The following NOX3 variants were observed in gnomAD, a reference collection of about 807,000 sequenced individuals.
NOX3 encodes the protein NADPH oxidase catalytic subunit-like 3.
Under a neutral mutation model 76.7 loss-of-function variants are expected in NOX3, and 74 were observed. That is an observed-to-expected ratio of 0.96 (90% CI 0.80 to 1.17). NOX3 has a LOEUF of 1.17. NOX3 is among the 50% of genes most tolerant of loss of function. The pLI, the probability that NOX3 is intolerant of heterozygous loss-of-function variation, is 0.00. For synonymous variants in NOX3, 263 were observed against 261.1 expected, an observed-to-expected ratio of 1.01 and a Z score of -0.07; for missense variants, 695 against 703.3, an observed-to-expected ratio of 0.99 and a Z score of 0.13.
chr6:155,447,809 C>G (rs992023511), intron 4 of NOX3, among the ~76,000 whole-genome samples: 3 of 152,226 alleles, frequency 2.0e-5, no homozygotes, highest in Non-Finnish European at 4.4e-5. Context: ...TTACAGCAAT[C>G]TTGGCTTGGA....
Position 155,444,358 on chromosome 6 carries a change from C to A in NOX3, c.341-940G>T, listed in dbSNP as rs117810414. On this transcript the variant is annotated intron_variant, in intron 4 of 13. Coordinates refer to ENST00000159060, the MANE Select transcript of NOX3 (RefSeq NM_015718.3). Reference sequence around the variant, plus strand: ...TGAATAATCCCTTTGTCCAGCATATCCAGTAGCCCTCTTGGTTATCAGATC... The same window carrying A: ...TGAATAATCCCTTTGTCCAGCATATACAGTAGCCCTCTTGGTTATCAGATC... 5.8e-3 allele frequency among the ~76,000 whole-genome samples: 879 copies of A among 152,344 alleles called. 5 individuals carry two copies. The highest frequency in any genetic ancestry group is 8.8e-3 in the Non-Finnish European group (602 of 68,028).
At chr6:155,422,885 T>C in intron 9 of NOX3, 29 bp from the exon 10 acceptor site, 1 of 1,612,576 alleles carries the variant, frequency 6.2e-7, no homozygotes, top group Non-Finnish European at 8.5e-7. Context: ...GCAGCCTATT[T>C]GACCTTCAGA....
chr6:155,449,577 C>G (rs1777108603), intron 4 of NOX3, among the ~76,000 whole-genome samples: 1 of 152,140 alleles, frequency 6.6e-6, no homozygotes, highest in Non-Finnish European at 1.5e-5. Context: ...AAGAAGAGTT[C>G]CTGTCACTGC....
At chr6:155,426,854 G>T (rs1369727668) in intron 9 of NOX3, among the ~76,000 whole-genome samples, 2 of 152,156 alleles carry the variant, frequency 1.3e-5, no homozygotes, top group African/African-American at 2.4e-5. Flanking sequence ...TTGTGAAGGG[G>T]AAGGGTGGTT....
rs112475707 is a variant in NOX3, at chr6:155,424,246, G to A, written c.1146-1390C>T. Among the ~76,000 whole-genome samples the A allele has an allele frequency of 7.9e-3, 1,204 of 152,100 alleles. 13 individuals carry two copies. Among genetic ancestry groups the A allele is most frequent in the African/African-American group, 0.027 (1,114 of 41,484 alleles). The stretch of plus-strand genomic sequence containing the variant: ...TTTTACAATTTATTGGTGTGTATGC[G>A]TGATCTGATTGATTTCTGTGTAGAG... On this transcript the variant is annotated intron_variant, in intron 9 of 13. Transcript: ENST00000159060.
At chr6:155,443,211 T>C in intron 5 of NOX3, 62 bp downstream of exon 5, 1 of 1,537,182 alleles carries the variant, frequency 6.5e-7, no homozygotes, top group South Asian at 1.2e-5. Context: ...GCGTTCCTGA[T>C]TAGAGGACTG....
At chr6:155,433,419 G>A (rs11969273) in intron 7 of NOX3, among the ~76,000 whole-genome samples, 4,521 of 152,324 alleles carry the variant, frequency 0.03, 223 homozygotes, top group African/African-American at 0.1. Flanking sequence ...GTGTGTCAAA[G>A]TAGATGCTAG....
rs1777059510 is a variant in NOX3, at chr6:155,445,981, C to CTATATATATATATAATATATATATGCTA, written c.341-2564_341-2563insTAGCATATATATATTATATATATATATA. ...GCTATATATATATAATATATATATG[C>CTATATATATATATAATATATATATGCTA]TATATATATATATATAATATATATA... On this transcript the variant is annotated intron_variant, in intron 4 of 13. Transcript: ENST00000159060. Among the ~76,000 whole-genome samples, 292 of 104,192 alleles carry CTATATATATATATAATATATATATGCTA rather than the reference C, an allele frequency of 2.8e-3. 1 individual carries two copies. The highest frequency in any genetic ancestry group is 9.2e-3 in the African/African-American group (270 of 29,274). 68.4% of individuals were successfully genotyped at this position (104,192 alleles called of 152,430 possible).
At chr6:155,415,007 T>G (rs1776606450) in intron 10 of NOX3, among the ~76,000 whole-genome samples, 1 of 152,120 alleles carries the variant, frequency 6.6e-6, no homozygotes, top group African/African-American at 2.4e-5. Context: ...GGTTTCTGTG[T>G]GCATGTGGCC....
chr6:155,400,406 C>A (rs1489633345), intron 12 of NOX3, among the ~76,000 whole-genome samples: 2 of 152,160 alleles, frequency 1.3e-5, no homozygotes, highest in South Asian at 2.1e-4. Context: ...TTACTTTATA[C>A]CCTGAGTGCA....
At chr6:155,446,993 C>T (rs761163565) in intron 4 of NOX3, among the ~76,000 whole-genome samples, 13 of 151,566 alleles carry the variant, frequency 8.6e-5, no homozygotes, top group Admixed American at 5.9e-4. Flanking sequence ...AGGCAGGATA[C>T]GTTTTTTATA....
intron 10 of NOX3, among the ~76,000 whole-genome samples, chr6:155,420,103 A>G (rs1333127682): frequency 6.6e-6 from 1 of 152,202 alleles, no homozygotes; most frequent in African/African-American, 2.4e-5. Context: ...AAATAAGATT[A>G]TTTCACGAAT....
Position 155,428,895 on chromosome 6 carries a change from A to G in NOX3, c.1044T>C (p.Phe348=), listed in dbSNP as rs201811148. 6.0e-5 allele frequency: 97 copies of G among 1,613,696 alleles called. No individual in the cohort carries two copies. In the Admixed American group the frequency reaches 7.5e-4, roughly 12 times the overall value. Residue 348 remains phenylalanine (F), a synonymous_variant, in exon 9 of 14, where the codon TTT becomes TTC. Coordinates refer to ENST00000159060, the MANE Select transcript of NOX3 (RefSeq NM_015718.3). ...CTGCTGCCCGGATGTGCACGCTGAA[A>G]AAGTCCTCCTGGGGGGCAGAGGTAA... ...FTLTSAPQED[F]FSVHIRAAGD...
intron 5 of NOX3, among the ~76,000 whole-genome samples, chr6:155,440,819 T>C (rs747922383): frequency 2.0e-5 from 3 of 152,104 alleles, no homozygotes; most frequent in South Asian, 2.1e-4. Context: ...TGGATCACCA[T>C]GCTTAATTGC....
At chr6:155,408,367 C>T (rs952041341) in intron 11 of NOX3, among the ~76,000 whole-genome samples, 1 of 152,148 alleles carries the variant, frequency 6.6e-6, no homozygotes, top group African/African-American at 2.4e-5. Context: ...TTCTGGGGAT[C>T]TGTGTTCCCA....
intron 9 of NOX3, among the ~76,000 whole-genome samples, chr6:155,428,144 G>T (rs866058142): frequency 6.6e-6 from 1 of 152,178 alleles, no homozygotes; most frequent in Non-Finnish European, 1.5e-5. Context: ...CAAGTGATCC[G>T]CCCGCCTTGG....
At chr6:155,423,808 TC>T (rs1346639121) in intron 9 of NOX3, among the ~76,000 whole-genome samples, 1 of 151,070 alleles carries the variant, frequency 6.6e-6, no homozygotes, top group African/African-American at 2.4e-5. Context: ...TGATGCGATC[TC>T]CGCTCTCTGC....
intron 6 of NOX3, among the ~76,000 whole-genome samples, chr6:155,439,408 C>T (rs1034470641): frequency 2.6e-5 from 4 of 152,038 alleles, no homozygotes; most frequent in Non-Finnish European, 4.4e-5. Context: ...CAGTGTTTTA[C>T]GGGATGTCTG....
At chr6:155,444,261 G>A (rs559541658) in intron 4 of NOX3, among the ~76,000 whole-genome samples, 1 of 152,252 alleles carries the variant, frequency 6.6e-6, no homozygotes, top group Non-Finnish European at 1.5e-5. Context: ...AGCAATTTGT[G>A]TTTTACACTG....
Sources: allele counts gnomAD v4.1 joint callset (sites outside exome capture counted in the v4.1 genomes callset), GRCh38; gene constraint gnomAD v4.1.1; transcripts MANE v1.5; gene names NCBI Gene and HGNC (gene_info 2026-07-23, HGNC 2026-07-21).